Variants in PKD1L3 observed in about 807,000 individuals in gnomAD.
PKD1L3 encodes polycystin 1 like 3, transient receptor potential channel interacting.
In PKD1L3, 239 loss-of-function variants were observed where a neutral mutation model predicts 184.1. The ratio of observed to expected loss-of-function variants is 1.30; its 90% confidence interval spans 1.17 to 1.45. The LOEUF (loss-of-function observed/expected upper bound fraction) is 1.45, where lower values mean the gene tolerates loss of function less well. Ranked by LOEUF, PKD1L3 falls within the 40% of genes most tolerant of loss-of-function variation. The pLI, the probability that PKD1L3 is intolerant of heterozygous loss-of-function variation, is 0.00. For missense variants in PKD1L3, 2,660 were observed against 2,067.2 expected (o/e 1.29, Z -5.56); for synonymous variants, 996 against 778.8 (o/e 1.28, Z -4.64).
At chr16:71,999,509 A>C (rs2040898722) in intron 1 of PKD1L3, among the ~76,000 whole-genome samples, 175 bp downstream of exon 1, 1 of 152,236 alleles carries the variant, frequency 6.6e-6, no homozygotes, top group African/African-American at 2.4e-5. Flanking sequence ...GCTAACAGAC[A>C]AATCAAAGGC....
Position 71,935,528 on chromosome 16 carries a change from G to A in PKD1L3, c.4453-10C>T. On this transcript the variant is annotated splice_polypyrimidine_tract_variant and intron_variant, in intron 25 of 29. Coordinates refer to ENST00000620267, the MANE Select transcript of PKD1L3 (RefSeq NM_181536.2). ...GTTTCAGCTGACAACCCTAAACATA[G>A]ACAGCACAGTCACTGTTGCTTGTCT... The A allele has an allele frequency of 1.3e-6, 2 of 1,551,154 alleles. No homozygotes were observed. The highest frequency in any genetic ancestry group is 1.7e-6 in the Non-Finnish European group (2 of 1,146,480).
chr16:71,949,097 G>T (rs1442692811), intron 21 of PKD1L3, among the ~76,000 whole-genome samples: 2 of 152,130 alleles, frequency 1.3e-5, no homozygotes, highest in Non-Finnish European at 2.9e-5. Flanking sequence ...CCATGAGTTG[G>T]TTATTGTTGA....
chr16:71,960,796 G>A (rs145906449), intron 16 of PKD1L3, among the ~76,000 whole-genome samples: 1 of 152,154 alleles, frequency 6.6e-6, no homozygotes. Flanking sequence ...AATGGTATAT[G>A]CCTGTAATCC....
chr16:71,945,266 CTATATATATATA>C (rs60469321), intron 22 of PKD1L3, among the ~76,000 whole-genome samples: 8 of 63,944 alleles, frequency 1.3e-4, no homozygotes, highest in South Asian at 5.3e-4. Flanking sequence ...AATTTCTTAA[CTATATATATATA>C]TATATATATA....
At chr16:71,987,396 T>G (rs2040414553) in intron 4 of PKD1L3, among the ~76,000 whole-genome samples, 1 of 151,436 alleles carries the variant, frequency 6.6e-6, no homozygotes, top group Non-Finnish European at 1.5e-5. Context: ...ACTTTTGAGA[T>G]GGAGTCTTGC....
In PKD1L3 at chr16:71,951,638, A is replaced by T; in HGVS notation, c.3116T>A (p.Leu1039His). The change falls in exon 19 of 30, where the codon CTT becomes CAT. Residue 1039 changes from leucine to histidine, a missense_variant. Physicochemically the swap from Leu to His is moderately conservative, Grantham distance 99 (BLOSUM62 -3). Transcript: ENST00000620267. ...GTGAGATGATACGAGGCTGGATAAA[A>T]GTTTCACCAGCTTAGTAATGTCCCA... ...SSWDITKLVK[L>H]LSSLVSSHLE... 1.9e-6 allele frequency: 3 copies of T among 1,551,770 alleles called. No homozygotes were observed. The highest frequency in any genetic ancestry group is 2.6e-6 in the Non-Finnish European group (3 of 1,147,012).
chr16:71,939,079 C>T (rs980426554), intron 24 of PKD1L3, among the ~76,000 whole-genome samples: 1 of 152,238 alleles, frequency 6.6e-6, no homozygotes, highest in Non-Finnish European at 1.5e-5. Context: ...TCTGGCATCT[C>T]GAAGATTCTA....
At chr16:71,962,786 C>G (rs1362858428) in intron 16 of PKD1L3, among the ~76,000 whole-genome samples, 1 of 152,162 alleles carries the variant, frequency 6.6e-6, no homozygotes, top group Non-Finnish European at 1.5e-5. Context: ...GGCCAGTTTA[C>G]TAGTGTCTTT....
intron 21 of PKD1L3, among the ~76,000 whole-genome samples, chr16:71,948,116 C>T (rs2038691035): frequency 6.6e-6 from 1 of 152,022 alleles, no homozygotes; most frequent in Non-Finnish European, 1.5e-5. Context: ...GAGTCTTGTT[C>T]TGTTGCCCAG....
intron 21 of PKD1L3, among the ~76,000 whole-genome samples, 200 bp downstream of exon 21, chr16:71,949,583 A>C (rs2038750551): frequency 1.3e-5 from 2 of 151,912 alleles, no homozygotes; most frequent in African/African-American, 4.8e-5. Flanking sequence ...GAACACCTGG[A>C]CTCAAGCAAT....
intron 5 of PKD1L3, among the ~76,000 whole-genome samples, chr16:71,985,690 C>G (rs188025659): frequency 1.8e-4 from 28 of 152,330 alleles, no homozygotes; most frequent in Middle Eastern, 3.4e-3. Flanking sequence ...CCTCGGCCTC[C>G]CAAAGTGCTG....
chr16:71,931,536 C>T (rs954565167), intron 28 of PKD1L3, among the ~76,000 whole-genome samples: 3 of 135,656 alleles, frequency 2.2e-5, no homozygotes, highest in Non-Finnish European at 4.5e-5. Flanking sequence ...GTGATCTTGG[C>T]TCACTGCAAC....
intron 22 of PKD1L3, among the ~76,000 whole-genome samples, chr16:71,945,588 G>A (rs2038572393): frequency 6.6e-6 from 1 of 151,642 alleles, no homozygotes; most frequent in Non-Finnish European, 1.5e-5. Context: ...TGACACAGGA[G>A]AACTGCTTGA....
intron 24 of PKD1L3, among the ~76,000 whole-genome samples, chr16:71,939,846 A>C (rs888729049): frequency 2.0e-5 from 3 of 152,202 alleles, no homozygotes; most frequent in African/African-American, 7.2e-5. Context: ...ACAAAATGCC[A>C]CTATAATGAA....
intron 3 of PKD1L3, among the ~76,000 whole-genome samples, chr16:71,991,739 G>C (rs1471904477): frequency 1.3e-5 from 2 of 152,172 alleles, no homozygotes; most frequent in Admixed American, 6.5e-5. Context: ...ATTCAAAAAA[G>C]ATGTGTATAT....
At chr16:71,996,515 C>T (rs900219396) in intron 2 of PKD1L3, among the ~76,000 whole-genome samples, 2 of 152,120 alleles carry the variant, frequency 1.3e-5, no homozygotes, top group Non-Finnish European at 2.9e-5. Context: ...CCGCCTTGGC[C>T]TCCCAAAGTG....
At chr16:71,977,578 T>TC in intron 10 of PKD1L3, 111 bp from the exon 11 acceptor site, 71 of 860,770 alleles carry the variant, frequency 8.2e-5, no homozygotes, top group Non-Finnish European at 1.1e-4. Context: ...TTTTTTTTTT[T>TC]TTGAGATGGG....
chr16:71,949,419 C>T (rs1181531086), intron 21 of PKD1L3, among the ~76,000 whole-genome samples: 1 of 149,304 alleles, frequency 6.7e-6, no homozygotes, highest in Admixed American at 6.8e-5. Context: ...GTGGCGCAAT[C>T]ACGGCTTACT....
chr16:71,941,578 ATTC>A (rs775765576), intron 24 of PKD1L3, among the ~76,000 whole-genome samples: 3 of 132,552 alleles, frequency 2.3e-5, no homozygotes, highest in African/African-American at 5.7e-5. Context: ...ATTCTATGAC[ATTC>A]TTTTTTTTTT....
Sources: allele counts gnomAD v4.1 joint callset (sites outside exome capture counted in the v4.1 genomes callset), GRCh38; gene constraint gnomAD v4.1.1; transcripts MANE v1.5; gene names NCBI Gene and HGNC (gene_info 2026-07-23, HGNC 2026-07-21).